Variants in KATNIP observed in about 807,000 individuals in gnomAD.
KATNIP encodes katanin-interacting protein.
A neutral mutation model predicts 174.0 loss-of-function variants in KATNIP; 126 were observed. That is an observed-to-expected ratio of 0.72 (90% CI 0.63 to 0.84). The LOEUF (loss-of-function observed/expected upper bound fraction) is 0.84. Among genes scored for constraint, KATNIP ranks in the 40% least tolerant of loss-of-function variants. The probability of loss-of-function intolerance (pLI) is 0.00; values close to 1 mark genes in which losing one functional copy is unlikely to be tolerated. For synonymous variants in KATNIP, 810 were observed against 835.7 expected (o/e 0.97, Z 0.53); for missense variants, 1,958 against 2,109.7 (o/e 0.93, Z 1.41).
chr16:27,578,434 C>A (rs551645977), intron 2 of KATNIP, among the ~76,000 whole-genome samples: 2 of 151,990 alleles, frequency 1.3e-5, no homozygotes, highest in Non-Finnish European at 2.9e-5. Context: ...AGTTCTCCAC[C>A]GCTGCCACAG....
chr16:27,777,478 A>G lies in KATNIP; in HGVS notation c.4552-132A>G. The G allele has an allele frequency of 2.6e-6, 2 of 763,202 alleles. No individual in the cohort carries two copies. The highest frequency in any genetic ancestry group is 1.9e-5 in the South Asian group (1 of 52,872). 47.3% of individuals were successfully genotyped at this position (763,202 alleles called of 1,614,324 possible). A position where few individuals can be genotyped will look rare whatever the true frequency, so the allele number is the denominator to read the frequency against. ...AAATCACAAGGCAGACACAGCACAC[A>G]GTAGGCGCTTGTTCCTGACAGCCCC... On this transcript the variant is annotated intron_variant, in intron 25 of 27. Transcript: ENST00000261588. The surrounding 1 kb of genome is among the most constrained non-coding windows in gnomAD (Gnocchi z 4.4).
At chr16:27,593,749 C>T (rs1219346215) in intron 2 of KATNIP, among the ~76,000 whole-genome samples, 1 of 152,188 alleles carries the variant, frequency 6.6e-6, no homozygotes, top group East Asian at 1.9e-4. Context: ...CTCAATTAAT[C>T]CTTCTACCTT....
At chr16:27,706,157 C>T (rs1021472368) in intron 12 of KATNIP, among the ~76,000 whole-genome samples, 1 of 152,204 alleles carries the variant, frequency 6.6e-6, no homozygotes, top group African/African-American at 2.4e-5. Flanking sequence ...CTCAGTCCCA[C>T]CCCCTGGAGC....
At chr16:27,690,363 TGATA>T (rs200443119) in intron 8 of KATNIP, among the ~76,000 whole-genome samples, 44 of 91,040 alleles carry the variant, frequency 4.8e-4, no homozygotes, top group Non-Finnish European at 6.9e-4. Flanking sequence ...GATAGATAGA[TGATA>T]GATAGATAGA....
rs561845539 is a variant in KATNIP, at chr16:27,706,738, G to A, written c.1390-1967G>A. On this transcript the variant is annotated intron_variant, in intron 12 of 27. Transcript: ENST00000261588. ...GTTCTAGCAGCCCCTCTGAAAGGCA[G>A]CCTGCCTCCCATCTGGTCCTCCTGC... Among the ~76,000 whole-genome samples the A allele has an allele frequency of 2.0e-5, 3 of 152,342 alleles. No individual in the cohort carries two copies. The South Asian group carries it at 6.2e-4, about 32-fold the overall frequency.
intron 21 of KATNIP, among the ~76,000 whole-genome samples, chr16:27,771,218 G>A (rs564443707): frequency 1.3e-5 from 2 of 152,238 alleles, no homozygotes; most frequent in South Asian, 2.1e-4. Flanking sequence ...GTCCCATCCC[G>A]GTTCTGCCAC....
At chr16:27,668,784 T>C (rs12933850) in intron 6 of KATNIP, among the ~76,000 whole-genome samples, 23,008 of 152,118 alleles carry the variant, frequency 0.15, 1,779 homozygotes, top group Middle Eastern at 0.19. Flanking sequence ...GGCAGGAGGA[T>C]TGCTTGAGCC....
chr16:27,555,017 C>T (rs1228439404), intron 1 of KATNIP, among the ~76,000 whole-genome samples: 1 of 151,950 alleles, frequency 6.6e-6, no homozygotes, highest in East Asian at 1.9e-4. Flanking sequence ...AGGCTGGTCT[C>T]GAACTCCTGA....
intron 8 of KATNIP, among the ~76,000 whole-genome samples, chr16:27,682,301 T>C (rs772268790): frequency 5.9e-5 from 9 of 152,234 alleles, no homozygotes; most frequent in Non-Finnish European, 1.2e-4. Context: ...TCTCACATAA[T>C]CCTTATAACT....
rs36005993 is a variant in KATNIP at position 27,597,402 on chromosome 16, C to CTT, written c.64-20995_64-20994dup. 4.1e-3 allele frequency among the ~76,000 whole-genome samples: 191 copies of CTT among 46,096 alleles called. 4 individuals carry two copies. Among genetic ancestry groups the CTT allele is most frequent in the Non-Finnish European group, 6.5e-3 (154 of 23,568 alleles). The allele number at this position is 46,096 out of a possible 152,430, so 30.2% of individuals were successfully genotyped here. ...GGTATTTTTTAATGTATTTTCTTTT[C>CTT]TTTTTTTTTTTTTTTTTTTTTTTTT... is the stretch of plus-strand genomic sequence containing the variant. On this transcript the variant is annotated intron_variant, in intron 2 of 27. Coordinates refer to ENST00000261588, the MANE Select transcript of KATNIP (RefSeq NM_015202.5).
intron 24 of KATNIP, among the ~76,000 whole-genome samples, chr16:27,775,996 C>T (rs1026210369): frequency 2.0e-5 from 3 of 152,200 alleles, no homozygotes; most frequent in Admixed American, 1.3e-4. Flanking sequence ...CACCCACTGA[C>T]GGCCAGCGGG....
At chr16:27,699,653 G>C in intron 10 of KATNIP, 54 bp downstream of exon 10, 3 of 1,611,026 alleles carry the variant, frequency 1.9e-6, no homozygotes, top group African/African-American at 1.3e-5. Flanking sequence ...CGTAGCTCCC[G>C]ATGGTGCCAG....
chr16:27,593,304 T>C (rs1186447195), intron 2 of KATNIP, among the ~76,000 whole-genome samples: 4 of 141,922 alleles, frequency 2.8e-5, no homozygotes, highest in African/African-American at 1.1e-4. Flanking sequence ...AATGGCGCAA[T>C]CTCAGCTCAC....
Position 27,582,640 on chromosome 16 carries a change from C to A in KATNIP, c.63+8684C>A, listed in dbSNP as rs543984658. ...TGAGCTTGCGAACCCTGGAACCAAA[C>A]AGCGTGGATTCCTAGGCTAGTTCTA... is the stretch of plus-strand genomic sequence containing the variant. On this transcript the variant is annotated intron_variant, in intron 2 of 27. Transcript: ENST00000261588. Among the ~76,000 whole-genome samples the A allele has an allele frequency of 3.3e-4, 51 of 152,264 alleles. 1 individual carries two copies. Among genetic ancestry groups the A allele is most frequent in the African/African-American group, 1.2e-3 (50 of 41,550 alleles).
chr16:27,588,434 A>G (rs2090984698), intron 2 of KATNIP, among the ~76,000 whole-genome samples: 1 of 152,094 alleles, frequency 6.6e-6, no homozygotes, highest in African/African-American at 2.4e-5. Flanking sequence ...CCTCCCAGTT[A>G]ATACCTCTCC....
At chr16:27,725,774 A>G (rs1399798404) in intron 14 of KATNIP, among the ~76,000 whole-genome samples, 2 of 152,216 alleles carry the variant, frequency 1.3e-5, no homozygotes, top group South Asian at 2.1e-4. Flanking sequence ...TAAGCACACC[A>G]TCCCCATCAT....
At chr16:27,659,826 G>A (rs2077412326) in intron 6 of KATNIP, among the ~76,000 whole-genome samples, 1 of 152,160 alleles carries the variant, frequency 6.6e-6, no homozygotes, top group Admixed American at 6.5e-5. Context: ...AGAAGGGCCA[G>A]CTTCAGCTCA....
intron 5 of KATNIP, among the ~76,000 whole-genome samples, chr16:27,635,397 C>T (rs1015509469): frequency 3.3e-5 from 5 of 152,048 alleles, no homozygotes; most frequent in Non-Finnish European, 5.9e-5. Flanking sequence ...GGATGGGTAC[C>T]GAGAGCCGGC....
chr16:27,652,805 CAA>C lies in KATNIP; in HGVS notation c.540+4086_540+4087del, dbSNP rs55843823. On this transcript the variant is annotated intron_variant, in intron 6 of 27. Transcript: ENST00000261588. Reference sequence around the variant, plus strand: ...GCAGGGGCAGAGTGAAACTCCATCTCAAAAAAAAAAAAAAAAATTATATTGTC... The same window carrying C: ...GCAGGGGCAGAGTGAAACTCCATCTCAAAAAAAAAAAAAAATTATATTGTC... 2.3e-3 allele frequency among the ~76,000 whole-genome samples: 282 copies of C among 120,800 alleles called. 1 individual carries two copies. The highest frequency in any genetic ancestry group is 4.1e-3 in the Middle Eastern group (1 of 246). The allele number at this position is 120,800 out of a possible 152,430, so 79.2% of individuals were successfully genotyped here.
Sources: gnomAD v4.1 joint callset for allele counts (sites outside exome capture counted in the v4.1 genomes callset) on GRCh38, gnomAD v4.1.1 for gene constraint, Gnocchi (gnomAD v3.1) non-coding constraint, MANE v1.5 for transcripts, NCBI Gene and HGNC (gene_info 2026-07-23, HGNC 2026-07-21) for gene names.